The following SLC25A21 variants were observed in gnomAD, a reference collection of about 807,000 sequenced individuals.
SLC25A21 encodes solute carrier family 25 member 21.
In SLC25A21, 47 loss-of-function variants were observed where a neutral mutation model predicts 43.8. That is an observed-to-expected ratio of 1.07 (90% confidence interval 0.85 to 1.37). SLC25A21 has a LOEUF of 1.37. Ranked by LOEUF, SLC25A21 falls within the 40% of genes most tolerant of loss-of-function variation. The pLI, the probability that SLC25A21 is intolerant of heterozygous loss-of-function variation, is 0.00. For synonymous variants in SLC25A21, 131 were observed against 121.3 expected, an observed-to-expected ratio of 1.08 and a Z score of -0.52; for missense variants, 352 against 350.2, an observed-to-expected ratio of 1.00 and a Z score of -0.04.
chr14:36,724,940 T>G lies in SLC25A21; in HGVS notation c.438+630A>C, dbSNP rs565782726. ...CATTCTAGAGCAATTGAAAAGAAGT[T>G]TTGCCAGCAGCTGGGAGAATATTTC... On this transcript the variant is annotated intron_variant, in intron 6 of 9. Coordinates refer to ENST00000331299, the MANE Select transcript of SLC25A21 (RefSeq NM_030631.4). Among the ~76,000 whole-genome samples, 12 of 152,250 alleles carry G rather than the reference T, an allele frequency of 7.9e-5. No individual in the cohort carries two copies. The South Asian group carries it at 2.5e-3, about 32-fold the overall frequency.
intron 1 of SLC25A21, among the ~76,000 whole-genome samples, chr14:37,157,392 C>T (rs1045089849): frequency 4.6e-5 from 7 of 152,004 alleles, no homozygotes. Flanking sequence ...TATCAAGTAT[C>T]TTCTCAGACC....
At chr14:36,843,000 G>T (rs947526333) in intron 2 of SLC25A21, among the ~76,000 whole-genome samples, 11 of 152,238 alleles carry the variant, frequency 7.2e-5, no homozygotes, top group African/African-American at 2.6e-4. Context: ...CATAAGCAGC[G>T]TGCAACCTAG....
At chr14:37,032,781 G>C (rs1267594167) in intron 1 of SLC25A21, among the ~76,000 whole-genome samples, 3 of 151,880 alleles carry the variant, frequency 2.0e-5, no homozygotes, top group African/African-American at 7.3e-5. Flanking sequence ...GATATGTGGA[G>C]TTTACTATAC....
chr14:37,129,976 G>C (rs1963364721), intron 1 of SLC25A21, among the ~76,000 whole-genome samples: 2 of 150,854 alleles, frequency 1.3e-5, no homozygotes, highest in South Asian at 2.1e-4. Flanking sequence ...TTTAGGCTTA[G>C]TGCAGTGGCA....
chr14:36,874,376 G>T (rs1465384250), intron 2 of SLC25A21, among the ~76,000 whole-genome samples: 1 of 152,148 alleles, frequency 6.6e-6, no homozygotes, highest in African/African-American at 2.4e-5. Context: ...AAATGCTCTA[G>T]ATCATATTAT....
At chr14:36,985,234 A>C (rs1479220821) in intron 1 of SLC25A21, among the ~76,000 whole-genome samples, 1 of 151,076 alleles carries the variant, frequency 6.6e-6, no homozygotes, top group East Asian at 2.0e-4. Flanking sequence ...CTAGATGACG[A>C]GTTAGTGGGT....
chr14:37,031,344 A>G (rs953857735), intron 1 of SLC25A21, among the ~76,000 whole-genome samples: 5 of 152,194 alleles, frequency 3.3e-5, no homozygotes, highest in African/African-American at 1.2e-4. Flanking sequence ...TTTAAAAAAG[A>G]ATCTTTGGCT....
intron 2 of SLC25A21, chr14:36,870,753 C>T (rs191831654): frequency 2.0e-5 from 3 of 152,310 alleles, no homozygotes; most frequent in East Asian, 1.9e-4. Context: ...ATGAAATCAG[C>T]TAAAAGTCAA....
chr14:36,874,938 G>C lies in SLC25A21; in HGVS notation c.119+18C>G. On this transcript the variant is annotated intron_variant, in intron 2 of 9. Transcript: ENST00000331299. ...ATATTAGCCAAAGTCAATAAAACTT[G>C]TTCATGCAGAACCTTACCTGGTTTT... is the stretch of plus-strand genomic sequence containing the variant. 1 of 1,604,262 alleles carries C rather than the reference G, an allele frequency of 6.2e-7. No homozygotes were observed. The highest frequency in any genetic ancestry group is 1.1e-5 in the South Asian group (1 of 89,042).
intron 2 of SLC25A21, among the ~76,000 whole-genome samples, chr14:36,863,969 CAA>C (rs1890143330): frequency 6.6e-6 from 1 of 152,118 alleles, no homozygotes; most frequent in Non-Finnish European, 1.5e-5. Context: ...CTTGCTAGCC[CAA>C]AGAGAGGTGG....
In SLC25A21 at chr14:37,032,670, C is replaced by CA. The variant is rs3061773; in HGVS notation, c.70+139610dup. The stretch of plus-strand genomic sequence containing the variant: ...TGGGCAACAGAGTGAGACTCTGTCT[C>CA]AAAAAAAAAAAAAAAGGGAGAACAG... On this transcript the variant is annotated intron_variant, in intron 1 of 9. Coordinates refer to ENST00000331299, the MANE Select transcript of SLC25A21 (RefSeq NM_030631.4). 3.1e-3 allele frequency among the ~76,000 whole-genome samples: 287 copies of CA among 93,674 alleles called. 6 individuals are homozygous for CA. Among genetic ancestry groups the CA allele is most frequent in the South Asian group, 0.023 (65 of 2,830 alleles). The allele number at this position is 93,674 out of a possible 152,430, so 61.5% of individuals were successfully genotyped here.
chr14:36,959,767 T>A (rs1233912093), intron 1 of SLC25A21, among the ~76,000 whole-genome samples: 1 of 152,212 alleles, frequency 6.6e-6, no homozygotes, highest in Non-Finnish European at 1.5e-5. Flanking sequence ...CCCATGCTTT[T>A]TTGTAATAAT....
intron 1 of SLC25A21, among the ~76,000 whole-genome samples, chr14:37,154,937 C>T (rs190921816): frequency 2.6e-5 from 4 of 152,016 alleles, no homozygotes; most frequent in East Asian, 1.9e-4. Flanking sequence ...GCACCACGCC[C>T]GGCCGATATC....
chr14:36,736,367 G>A (rs1173273399), intron 3 of SLC25A21, among the ~76,000 whole-genome samples: 2 of 152,130 alleles, frequency 1.3e-5, no homozygotes, highest in African/African-American at 4.8e-5. Context: ...AATTACTGAT[G>A]CCTGAAATTC....
chr14:37,156,724 G>T (rs1191140613), intron 1 of SLC25A21, among the ~76,000 whole-genome samples: 1 of 151,076 alleles, frequency 6.6e-6, no homozygotes, highest in Non-Finnish European at 1.5e-5. Context: ...TCCAACAAGA[G>T]GATATAACAA....
intron 1 of SLC25A21, among the ~76,000 whole-genome samples, chr14:36,969,167 A>G (rs1186729946): frequency 1.3e-5 from 2 of 152,196 alleles, no homozygotes; most frequent in African/African-American, 4.8e-5. Context: ...ATTCTTATGT[A>G]CAAAACAGAC....
rs151008679 is a variant in SLC25A21 at position 36,986,851 on chromosome 14, A to G, written c.71-111847T>C. The stretch of plus-strand genomic sequence containing the variant: ...CAAGAAGGCTTTGAATATTGGGTTT[A>G]TGATTTATCCAAGTTAAGTTGTACT... On this transcript the variant is annotated intron_variant, in intron 1 of 9. Coordinates refer to ENST00000331299, the MANE Select transcript of SLC25A21 (RefSeq NM_030631.4). Among the ~76,000 whole-genome samples the G allele has an allele frequency of 2.2e-3, 336 of 152,214 alleles. 1 individual carries two copies. Among genetic ancestry groups the G allele is most frequent in the Non-Finnish European group, 4.0e-3 (272 of 68,000 alleles).
Position 36,941,500 on chromosome 14 carries a change from A to G in SLC25A21, c.71-66496T>C, listed in dbSNP as rs547960331. ...AATTTTGATATAAATCTTGAATCAG[A>G]TAAGTCTCAACATTTAATAAATGTT... On this transcript the variant is annotated intron_variant, in intron 1 of 9. Transcript: ENST00000331299. 4.6e-5 allele frequency among the ~76,000 whole-genome samples: 7 copies of G among 152,168 alleles called. No individual in the cohort carries two copies. In the South Asian group the frequency reaches 1.2e-3, roughly 27 times the overall value.
At chr14:36,756,429 A>C (rs1885931987) in intron 3 of SLC25A21, among the ~76,000 whole-genome samples, 1 of 152,248 alleles carries the variant, frequency 6.6e-6, no homozygotes, top group South Asian at 2.1e-4. Context: ...GAGGCTCCCC[A>C]GAGGTTTTGG....
Sources: gnomAD v4.1 joint callset for allele counts (sites outside exome capture counted in the v4.1 genomes callset) on GRCh38, gnomAD v4.1.1 for gene constraint, MANE v1.5 for transcripts, NCBI Gene and HGNC (gene_info 2026-07-23, HGNC 2026-07-21) for gene names.